MED27: variants seen among roughly 807,000 people sequenced by gnomAD.
MED27 encodes mediator complex subunit 27, also known as mediator of RNA polymerase II transcription subunit 27.
MED27 carries 30 observed loss-of-function variants against 38.2 expected under a neutral mutation model. The ratio of observed to expected loss-of-function variants is 0.79; its 90% CI spans 0.59 to 1.07. The LOEUF (loss-of-function observed/expected upper bound fraction) is 1.07, where lower values mean the gene tolerates loss of function less well. Ranked by LOEUF, MED27 falls within the 50% of genes least tolerant of loss-of-function variation. MED27 has a pLI of 0.00. For synonymous variants in MED27, 122 were observed against 153.5 expected (o/e 0.79, Z 1.52); for missense variants, 289 against 397.5 (o/e 0.73, Z 2.32).
At chr9:131,948,899 G>A (rs1830934976) in intron 3 of MED27, among the ~76,000 whole-genome samples, 1 of 152,130 alleles carries the variant, frequency 6.6e-6, no homozygotes, top group South Asian at 2.1e-4. Flanking sequence ...TGAAATGTAG[G>A]AGAATCACCC....
chr9:131,930,992 T>C (rs1456509905), intron 4 of MED27, among the ~76,000 whole-genome samples: 1 of 152,158 alleles, frequency 6.6e-6, no homozygotes, highest in East Asian at 1.9e-4. Context: ...ATGCCTGTAA[T>C]CCCAGCACTT....
chr9:132,031,643 G>A (rs1350022380), intron 2 of MED27, among the ~76,000 whole-genome samples: 5 of 152,124 alleles, frequency 3.3e-5, no homozygotes, highest in African/African-American at 9.7e-5. Flanking sequence ...AATAAACAAT[G>A]AAATACAGAC....
chr9:131,920,161 G>A (rs1273319910), intron 4 of MED27, among the ~76,000 whole-genome samples: 1 of 152,088 alleles, frequency 6.6e-6, no homozygotes, highest in Non-Finnish European at 1.5e-5. Flanking sequence ...GGTGTCTTAA[G>A]CAGAAAGTAA....
chr9:131,863,190 G>A (rs59987262), intron 6 of MED27, 50 bp from the exon 7 acceptor site: 1 of 1,516,678 alleles, frequency 6.6e-7, no homozygotes, highest in South Asian at 1.1e-5. Flanking sequence ...AGCTGGCATA[G>A]AGAAAACAAG....
intron 2 of MED27, among the ~76,000 whole-genome samples, chr9:132,040,181 C>G (rs1023213958): frequency 6.6e-6 from 1 of 152,198 alleles, no homozygotes; most frequent in African/African-American, 2.4e-5. Context: ...CATCAGTCCC[C>G]GCATATGGGC....
Position 131,883,233 on chromosome 9 carries a change from C to G in MED27, c.723+825G>C, listed in dbSNP as rs1293999284. Among the ~76,000 whole-genome samples the G allele has an allele frequency of 3.3e-5, 5 of 152,136 alleles. No homozygotes were observed. The highest frequency in any genetic ancestry group is 4.8e-5 in the African/African-American group (2 of 41,426). ...GGAATGAATGAGATGATGGCCAACT[C>G]TCTTATTTCACTACTGGATGAGACC... On this transcript the variant is annotated intron_variant, in intron 6 of 7. Transcript: ENST00000292035. The surrounding 1 kb of genome is among the most constrained non-coding windows in gnomAD (Gnocchi z 4.2).
chr9:131,932,488 C>A, intron 4 of MED27, among the ~76,000 whole-genome samples: 1 of 151,344 alleles, frequency 6.6e-6, no homozygotes, highest in African/African-American at 2.4e-5. Context: ...CTATGAGCAA[C>A]TACATGCCAA....
intron 4 of MED27, among the ~76,000 whole-genome samples, chr9:131,937,974 C>T (rs1830713188): frequency 6.6e-6 from 1 of 152,090 alleles, no homozygotes; most frequent in Non-Finnish European, 1.5e-5. Flanking sequence ...AACTGTTTCC[C>T]TTTTCTATGA....
intron 5 of MED27, among the ~76,000 whole-genome samples, chr9:131,884,693 C>T (rs1263574462): frequency 6.7e-6 from 1 of 150,164 alleles, no homozygotes; most frequent in African/African-American, 2.5e-5. Context: ...CTGCAACCTG[C>T]ATCTCCCGGG....
intron 4 of MED27, among the ~76,000 whole-genome samples, chr9:131,933,477 GA>G (rs1830628283): frequency 6.6e-6 from 1 of 151,726 alleles, no homozygotes; most frequent in Non-Finnish European, 1.5e-5. Context: ...ATATGAAAAA[GA>G]AATAAAAAAG....
intron 6 of MED27, among the ~76,000 whole-genome samples, chr9:131,864,521 A>C (rs1838704339): frequency 6.6e-6 from 1 of 152,202 alleles, no homozygotes; most frequent in Admixed American, 6.5e-5. Flanking sequence ...TAAAAAACCC[A>C]AAAAACTCCA....
chr9:132,078,788 C>A (rs1834111651), intron 1 of MED27, among the ~76,000 whole-genome samples: 1 of 152,210 alleles, frequency 6.6e-6, no homozygotes, highest in African/African-American at 2.4e-5. Context: ...GAAATTCTAA[C>A]CTTCCTGGGA....
intron 4 of MED27, 148 bp from the exon 5 acceptor site, chr9:131,894,140 T>C: frequency 3.4e-6 from 2 of 587,976 alleles, no homozygotes; most frequent in Non-Finnish European, 6.2e-6. Flanking sequence ...GAAAATGAAC[T>C]CTCAATAACA....
Position 132,079,749 on chromosome 9 carries a change from G to A in MED27, c.96C>T (p.Phe32=), listed in dbSNP as rs1254518328. 7.4e-6 allele frequency: 12 copies of A among 1,614,052 alleles called. No homozygotes were observed. Among genetic ancestry groups the A allele is most frequent in the Non-Finnish European group, 8.5e-6 (10 of 1,179,984 alleles). The part of the protein sequence containing the change: ...QALRSSVSRV[F]DCLKDGMRNK... ...TCCGCATCCCATCCTTCAGGCAGTCGAACACCCTGCTCACGCTGGAGCGCA... is the reference window on the plus strand; with the variant it reads ...TCCGCATCCCATCCTTCAGGCAGTCAAACACCCTGCTCACGCTGGAGCGCA... The change falls in exon 1 of 8, where the codon TTC becomes TTT. Residue 32 remains phenylalanine (F), a synonymous_variant. Transcript: ENST00000292035.
chr9:131,910,984 T>A (rs993281673), intron 4 of MED27, among the ~76,000 whole-genome samples: 2 of 152,220 alleles, frequency 1.3e-5, no homozygotes, highest in African/African-American at 4.8e-5. Context: ...TATTTTTTAA[T>A]GATGCCTGTT....
intron 3 of MED27, among the ~76,000 whole-genome samples, chr9:131,976,222 G>C (rs764876357): frequency 6.6e-6 from 1 of 152,256 alleles, no homozygotes; most frequent in Non-Finnish European, 1.5e-5. Flanking sequence ...AAAAATGGCG[G>C]TGAACTAAAG....
intron 3 of MED27, among the ~76,000 whole-genome samples, chr9:131,991,613 T>C (rs552221565): frequency 3.9e-5 from 6 of 152,372 alleles, no homozygotes; most frequent in Non-Finnish European, 7.3e-5. Context: ...TAAAATACTA[T>C]GAAACTCAAC....
intron 3 of MED27, among the ~76,000 whole-genome samples, chr9:131,946,043 C>CCTCTAGGT: frequency 6.6e-6 from 1 of 150,594 alleles, no homozygotes; most frequent in East Asian, 1.9e-4. Flanking sequence ...AATATAATGT[C>CCTCTAGGT]CTCTAGGTTC....
chr9:131,966,001 G>A (rs1831331658), intron 3 of MED27, among the ~76,000 whole-genome samples: 1 of 150,580 alleles, frequency 6.6e-6, no homozygotes, highest in African/African-American at 2.5e-5. Context: ...GGAGTCTTTA[G>A]TGCTCGCAAC....
Sources: gnomAD v4.1 joint callset for allele counts (sites outside exome capture counted in the v4.1 genomes callset) on GRCh38, gnomAD v4.1.1 for gene constraint, Gnocchi (gnomAD v3.1) non-coding constraint, MANE v1.5 for transcripts, NCBI Gene and HGNC (gene_info 2026-07-23, HGNC 2026-07-21) for gene names.